SAMMSON: variants seen among roughly 807,000 people sequenced by gnomAD.
SAMMSON encodes the protein long intergenic non-protein coding RNA 1212.
At chr3:70,233,552 A>G (rs369922148) in intron 4 of SAMMSON, among the ~76,000 whole-genome samples, 4 of 152,196 alleles carry the variant, frequency 2.6e-5, no homozygotes, top group African/African-American at 9.7e-5. Flanking sequence ...GACTTTTGAC[A>G]TATGTGTGCA....
intron 6 of SAMMSON, among the ~76,000 whole-genome samples, chr3:70,290,644 C>T (rs902672000): frequency 1.6e-4 from 24 of 152,132 alleles, no homozygotes; most frequent in Non-Finnish European, 2.4e-4. Flanking sequence ...CAATGGCGGG[C>T]GCCCCTCCCC....
chr3:70,205,129 A>G (rs1404433539), intron 4 of SAMMSON: 1 of 152,108 alleles, frequency 6.6e-6, no homozygotes, highest in Non-Finnish European at 1.5e-5. Flanking sequence ...AAAAATAAAT[A>G]AAAGTAATTA....
At chr3:70,404,791 C>A (rs1488467551) in intron 2 of SAMMSON, among the ~76,000 whole-genome samples, 1 of 152,158 alleles carries the variant, frequency 6.6e-6, no homozygotes, top group Non-Finnish European at 1.5e-5. Context: ...CACTGTATTT[C>A]TACACTGCAA....
intron 3 of SAMMSON, among the ~76,000 whole-genome samples, chr3:70,059,154 A>G (rs1171440371): frequency 2.0e-5 from 3 of 152,160 alleles, no homozygotes; most frequent in African/African-American, 4.8e-5. Flanking sequence ...CTTTATATGT[A>G]TTATTTGTAA....
chr3:70,170,466 C>G (rs1027155289), intron 4 of SAMMSON, among the ~76,000 whole-genome samples: 30 of 151,196 alleles, frequency 2.0e-4, no homozygotes, highest in Middle Eastern at 3.4e-3. Flanking sequence ...TACAGAAAAT[C>G]ACATAATATT....
At chr3:70,306,614 A>T (rs960793913) in intron 7 of SAMMSON, among the ~76,000 whole-genome samples, 6 of 151,736 alleles carry the variant, frequency 4.0e-5, no homozygotes, top group Admixed American at 1.3e-4. Flanking sequence ...TCTCTCATGA[A>T]TTTTCCCATT....
chr3:70,043,324 A>G (rs1387031259), intron 3 of SAMMSON, among the ~76,000 whole-genome samples: 1 of 152,088 alleles, frequency 6.6e-6, no homozygotes, highest in African/African-American at 2.4e-5. Flanking sequence ...GAGTTCTTCA[A>G]CCTGTTTCAC....
chr3:70,315,314 C>T (rs1702487330), intron 7 of SAMMSON, among the ~76,000 whole-genome samples: 1 of 152,044 alleles, frequency 6.6e-6, no homozygotes, highest in South Asian at 2.1e-4. Flanking sequence ...TTTGAACAGG[C>T]TTTTGTTCTT....
At chr3:70,310,960 A>T (rs1419784417) in intron 7 of SAMMSON, among the ~76,000 whole-genome samples, 3 of 152,120 alleles carry the variant, frequency 2.0e-5, no homozygotes, top group Non-Finnish European at 4.4e-5. Flanking sequence ...CAATTTTCTT[A>T]TTGGTAAATT....
At chr3:70,424,744 A>G (rs1406189054) in intron 2 of SAMMSON, 3 of 152,212 alleles carry the variant, frequency 2.0e-5, no homozygotes, top group East Asian at 1.9e-4. Context: ...GGCTTTGTCT[A>G]TTGACATTTT....
intron 6 of SAMMSON, among the ~76,000 whole-genome samples, chr3:70,274,386 T>A (rs7434025): frequency 0.95 from 144,382 of 152,170 alleles, 68,593 homozygotes; most frequent in Non-Finnish European, 0.97. Context: ...AGAATGAGTA[T>A]GTGATAGAAA....
rs6809459 is a variant in SAMMSON at position 70,344,203 on chromosome 3, C to G, written n.740-9972C>G. ...TTCACACTGAAAAGTTGCCTTTTGA[C>G]CTGTCACACCTCCCTATCCCATACC... On this transcript the variant is annotated intron_variant and non_coding_transcript_variant, in intron 7 of 9. Coordinates refer to ENST00000642114, the Ensembl canonical transcript of SAMMSON. Among the ~76,000 whole-genome samples the G allele has an allele frequency of 2.0e-3, 307 of 152,206 alleles. 2 individuals are homozygous for G. Among genetic ancestry groups the G allele is most frequent in the African/African-American group, 6.8e-3 (282 of 41,524 alleles).
At chr3:70,268,951 T>C (rs1304013397) in intron 6 of SAMMSON, among the ~76,000 whole-genome samples, 1 of 152,068 alleles carries the variant, frequency 6.6e-6, no homozygotes, top group East Asian at 1.9e-4. Flanking sequence ...AATTTAGTGC[T>C]CTCCTTTGAA....
At chr3:70,187,378 T>C (rs1217590334) in intron 4 of SAMMSON, among the ~76,000 whole-genome samples, 1 of 151,750 alleles carries the variant, frequency 6.6e-6, no homozygotes, top group Non-Finnish European at 1.5e-5. Flanking sequence ...CTCATAGACA[T>C]TTTTGGTGGC....
At chr3:70,290,879 G>A (rs1003284223) in intron 6 of SAMMSON, among the ~76,000 whole-genome samples, 1 of 152,186 alleles carries the variant, frequency 6.6e-6, no homozygotes, top group Non-Finnish European at 1.5e-5. Context: ...CTGACCCCTT[G>A]CGCTTCCCGA....
chr3:70,088,216 C>A (rs1242633333), intron 4 of SAMMSON, among the ~76,000 whole-genome samples: 1 of 152,162 alleles, frequency 6.6e-6, no homozygotes, highest in Admixed American at 6.5e-5. Context: ...AACAGACATT[C>A]AACAATAAGC....
chr3:70,127,617 A>G (rs971721706), intron 4 of SAMMSON: 2 of 152,216 alleles, frequency 1.3e-5, no homozygotes, highest in African/African-American at 4.8e-5. Flanking sequence ...CCTATTTGCC[A>G]TAACTAAATT....
chr3:70,022,761 C>G (rs953157621), intron 3 of SAMMSON, among the ~76,000 whole-genome samples: 28 of 152,186 alleles, frequency 1.8e-4, no homozygotes, highest in Admixed American at 1.4e-3. Context: ...GCTAAAGGGC[C>G]TAAGCCCTTC....
At chr3:70,229,675 C>T (rs1701540449) in intron 4 of SAMMSON, among the ~76,000 whole-genome samples, 1 of 152,162 alleles carries the variant, frequency 6.6e-6, no homozygotes, top group Non-Finnish European at 1.5e-5. Context: ...GTAGACAACT[C>T]TGATGAGCCC....
Sources: gnomAD v4.1 joint callset for allele counts (sites outside exome capture counted in the v4.1 genomes callset) on GRCh38, gnomAD v4.1.1 for gene constraint, MANE v1.5 for transcripts, NCBI Gene and HGNC (gene_info 2026-07-23, HGNC 2026-07-21) for gene names.